Variants in WRN observed in about 807,000 individuals in gnomAD.
WRN encodes the protein WRN RecQ like helicase.
A neutral mutation model predicts 180.7 loss-of-function variants in WRN; 149 were observed. That is an observed-to-expected ratio of 0.82 (90% CI 0.72 to 0.94). WRN has a LOEUF of 0.94. Among genes scored for constraint, WRN ranks in the 40% least tolerant of loss-of-function variants. The pLI is 0.00. For synonymous variants in WRN, 548 were observed against 568.9 expected, an observed-to-expected ratio of 0.96 and a Z score of 0.52; for missense variants, 1,661 against 1,700.1, an observed-to-expected ratio of 0.98 and a Z score of 0.40.
intron 18 of WRN, 41 bp downstream of exon 18, chr8:31,100,996 A>C: frequency 6.5e-7 from 1 of 1,533,216 alleles, no homozygotes; most frequent in Non-Finnish European, 9.0e-7. Context: ...TTACATTCTT[A>C]ATAAGGAGAG....
At chr8:31,118,486 T>C (rs1284904734) in intron 20 of WRN, among the ~76,000 whole-genome samples, 1 of 152,050 alleles carries the variant, frequency 6.6e-6, no homozygotes. Context: ...TCATCATCTA[T>C]GTAGAATAGT....
intron 31 of WRN, among the ~76,000 whole-genome samples, chr8:31,153,750 C>G (rs1803240080): frequency 6.6e-6 from 1 of 152,040 alleles, no homozygotes; most frequent in Non-Finnish European, 1.5e-5. Flanking sequence ...TAGTACTCAA[C>G]TAATAAATTT....
In WRN at chr8:31,158,994, A is replaced by G. The variant is rs529444849; in HGVS notation, c.3982+1464A>G. On this transcript the variant is annotated intron_variant, in intron 33 of 34. Coordinates refer to ENST00000298139, the MANE Select transcript of WRN (RefSeq NM_000553.6). ...TACAAGCAGGAGCTAAAGTTGGTGC[A>G]TATGGATATAAAAATGAGAACAGGC... is the stretch of plus-strand genomic sequence containing the variant. Among the ~76,000 whole-genome samples the G allele has an allele frequency of 1.1e-4, 16 of 152,228 alleles. 1 individual carries two copies. Among genetic ancestry groups the G allele is most frequent in the African/African-American group, 3.9e-4 (16 of 41,546 alleles).
At chr8:31,040,986 C>A (rs906814313) in intron 1 of WRN, among the ~76,000 whole-genome samples, 13 of 152,076 alleles carry the variant, frequency 8.5e-5, no homozygotes, top group Admixed American at 6.6e-5. Flanking sequence ...GAGAGGTTTG[C>A]ACACATGGAG....
At chr8:31,145,300 C>T (rs1226041256) in intron 28 of WRN, among the ~76,000 whole-genome samples, 2 of 152,196 alleles carry the variant, frequency 1.3e-5, no homozygotes, top group Non-Finnish European at 2.9e-5. Context: ...GCTGATGCAG[C>T]TGGTGACTTT....
chr8:31,112,165 C>T (rs1801347466), intron 19 of WRN, among the ~76,000 whole-genome samples: 1 of 152,074 alleles, frequency 6.6e-6, no homozygotes, highest in Admixed American at 6.6e-5. Flanking sequence ...GCCTCAAACT[C>T]CTGGGTTCAA....
chr8:31,045,281 G>A (rs189254163), intron 1 of WRN, among the ~76,000 whole-genome samples: 9 of 152,270 alleles, frequency 5.9e-5, no homozygotes, highest in Non-Finnish European at 1.0e-4. Context: ...GATTCCTACA[G>A]TCAAACAAAT....
intron 5 of WRN, among the ~76,000 whole-genome samples, chr8:31,066,426 T>G (rs1053573322): frequency 9.2e-5 from 14 of 152,134 alleles, no homozygotes; most frequent in Admixed American, 6.6e-5. Flanking sequence ...GACCTCATGA[T>G]CCACCTGCCT....
intron 4 of WRN, 68 bp from the exon 5 acceptor site, chr8:31,064,847 T>C (rs1312783982): frequency 3.2e-6 from 5 of 1,545,210 alleles, no homozygotes; most frequent in African/African-American, 1.4e-5. Context: ...ACATGGTATG[T>C]ATAAGAAGTA....
intron 17 of WRN, among the ~76,000 whole-genome samples, chr8:31,099,546 GTTTT>G (rs1228091730): frequency 7.0e-6 from 1 of 143,302 alleles, no homozygotes; most frequent in African/African-American, 2.6e-5. Flanking sequence ...TGTTTAGTAG[GTTTT>G]TTTTTTGTTT....
chr8:31,042,839 G>A (rs1483542784), intron 1 of WRN, among the ~76,000 whole-genome samples: 1 of 152,104 alleles, frequency 6.6e-6, no homozygotes, highest in East Asian at 1.9e-4. Context: ...TTCATTGAAC[G>A]TTATTTTTGG....
At chr8:31,170,564 A>G (rs995875886) in intron 34 of WRN, among the ~76,000 whole-genome samples, 3 of 152,198 alleles carry the variant, frequency 2.0e-5, no homozygotes, top group African/African-American at 7.2e-5. Context: ...TGTAACTTAC[A>G]TATTTCTGTA....
chr8:31,154,597 A>G, intron 31 of WRN, 27 bp from the exon 32 acceptor site: 1 of 1,598,484 alleles, frequency 6.3e-7, no homozygotes, highest in Non-Finnish European at 8.5e-7. Context: ...ATTACTGATC[A>G]TTTGTGCTAC....
At position 31,173,142 on chromosome 8, in the gene WRN, A is replaced by T; in HGVS notation, c.*40A>T. On this transcript the variant is annotated 3_prime_UTR_variant, in exon 35 of 35. Transcript: ENST00000298139. ...GAACAATTATGTTTCTTGCTGTATTATAAGAGGATAGCTATATTTTATTTC... is the reference window on the plus strand; with the variant it reads ...GAACAATTATGTTTCTTGCTGTATTTTAAGAGGATAGCTATATTTTATTTC... 6.5e-7 allele frequency: 1 copy of T among 1,547,108 alleles called. No homozygotes were observed. Among genetic ancestry groups the T allele is most frequent in the Non-Finnish European group, 8.9e-7 (1 of 1,120,386 alleles).
At chr8:31,096,626 CG>C in intron 16 of WRN, 141 bp from the exon 17 acceptor site, 2 of 678,104 alleles carry the variant, frequency 2.9e-6, no homozygotes, top group Non-Finnish European at 4.9e-6. Flanking sequence ...TTTAGATTTT[CG>C]TGACATAAAG....
chr8:31,087,053 T>C (rs531290292), intron 11 of WRN, among the ~76,000 whole-genome samples: 95 of 148,188 alleles, frequency 6.4e-4, no homozygotes, highest in Non-Finnish European at 1.3e-4. Flanking sequence ...GAACATACTT[T>C]TTTTTAAAAA....
chr8:31,094,891 T>G (rs1813893975), intron 16 of WRN, among the ~76,000 whole-genome samples: 1 of 152,216 alleles, frequency 6.6e-6, no homozygotes, highest in Admixed American at 6.5e-5. Flanking sequence ...GGTTGTTTCC[T>G]TTTTGGCTGT....
At chr8:31,055,617 T>G (rs1192507443) in intron 1 of WRN, among the ~76,000 whole-genome samples, 1 of 152,102 alleles carries the variant, frequency 6.6e-6, no homozygotes, top group South Asian at 2.1e-4. Context: ...TTGTTTGTTT[T>G]TTTTTTCTTG....
Position 31,173,905 on chromosome 8 carries a change from G to A in WRN, c.*803G>A, listed in dbSNP as rs1351476363. The A allele has an allele frequency of 6.6e-6, 1 of 152,080 alleles. No homozygotes were observed. Among genetic ancestry groups the A allele is most frequent in the Non-Finnish European group, 1.5e-5 (1 of 68,024 alleles). The allele number at this position is 152,080 out of a possible 1,614,324, so 9.4% of individuals were successfully genotyped here. A position where few individuals can be genotyped will look rare whatever the true frequency, so the allele number is the denominator to read the frequency against. On this transcript the variant is annotated 3_prime_UTR_variant, in exon 35 of 35. Transcript: ENST00000298139. ...TACTGTGACACAGAGTTGGGTAAAC[G>A]ATGATTATTTAACTTTAAGCAGTTC...
Sources: allele counts gnomAD v4.1 joint callset (sites outside exome capture counted in the v4.1 genomes callset), GRCh38; gene constraint gnomAD v4.1.1; transcripts MANE v1.5; gene names NCBI Gene and HGNC (gene_info 2026-07-23, HGNC 2026-07-21).